The following NELL1 variants were observed in gnomAD, a reference collection of about 807,000 sequenced individuals.
NELL1 encodes the protein protein kinase C-binding protein NELL1.
NELL1 carries 76 observed loss-of-function variants against 107.4 expected under a neutral mutation model. That is an observed-to-expected ratio of 0.71 (90% CI 0.59 to 0.86). The LOEUF is 0.86. NELL1 is among the 40% of genes least tolerant of loss of function. The pLI, the probability that NELL1 is intolerant of heterozygous loss-of-function variation, is 0.00. For missense variants in NELL1, 1,024 were observed against 1,005.5 expected (o/e 1.02, Z -0.25); for synonymous variants, 353 against 341.2 (o/e 1.03, Z -0.38).
intron 2 of NELL1, among the ~76,000 whole-genome samples, chr11:20,758,464 G>T (rs984525948): frequency 1.3e-5 from 2 of 152,170 alleles, no homozygotes; most frequent in African/African-American, 4.8e-5. Flanking sequence ...GACCCTTAGT[G>T]TATGCTAAGC....
intron 12 of NELL1, among the ~76,000 whole-genome samples, chr11:21,010,525 A>G (rs1379762242): frequency 6.6e-6 from 1 of 152,022 alleles, no homozygotes; most frequent in Non-Finnish European, 1.5e-5. Context: ...CCATTCTTTG[A>G]CCTAACAGCT....
chr11:21,116,012 G>C (rs532640019), intron 13 of NELL1, among the ~76,000 whole-genome samples: 1 of 151,506 alleles, frequency 6.6e-6, no homozygotes, highest in Non-Finnish European at 1.5e-5. Flanking sequence ...TTCTTAATTT[G>C]CCTGTGGTTA....
intron 2 of NELL1, among the ~76,000 whole-genome samples, chr11:20,773,171 C>A (rs988858849): frequency 5.3e-5 from 8 of 152,208 alleles, no homozygotes; most frequent in African/African-American, 1.9e-4. Flanking sequence ...CCATAACCAA[C>A]CATCAGTGTG....
intron 4 of NELL1, among the ~76,000 whole-genome samples, chr11:20,861,307 T>C (rs1467379262): frequency 6.6e-6 from 1 of 152,228 alleles, no homozygotes; most frequent in African/African-American, 2.4e-5. Flanking sequence ...CAACTTGCGT[T>C]TTCATTTAAC....
At chr11:20,712,032 C>T (rs1195633171) in intron 2 of NELL1, among the ~76,000 whole-genome samples, 1 of 152,084 alleles carries the variant, frequency 6.6e-6, no homozygotes, top group East Asian at 1.9e-4. Context: ...TCAATTATTC[C>T]CTCAAATATG....
intron 3 of NELL1, among the ~76,000 whole-genome samples, chr11:20,814,195 C>A (rs970655010): frequency 6.6e-6 from 1 of 152,088 alleles, no homozygotes; most frequent in African/African-American, 2.4e-5. Context: ...GGGGTTTCAC[C>A]GTGTTAGCCA....
At chr11:21,485,731 C>CAATA (rs1854611661) in intron 15 of NELL1, among the ~76,000 whole-genome samples, 1 of 151,726 alleles carries the variant, frequency 6.6e-6, no homozygotes, top group Non-Finnish European at 1.5e-5. Flanking sequence ...ATCTGGGGAC[C>CAATA]ATCCCATTCC....
chr11:21,072,576 T>C (rs1413664657), intron 12 of NELL1, among the ~76,000 whole-genome samples: 1 of 152,176 alleles, frequency 6.6e-6, no homozygotes, highest in Non-Finnish European at 1.5e-5. Flanking sequence ...TTTATAGGGA[T>C]AGGAGAAATA....
intron 12 of NELL1, among the ~76,000 whole-genome samples, chr11:21,067,796 G>A (rs962076428): frequency 1.3e-5 from 2 of 152,038 alleles, no homozygotes; most frequent in African/African-American, 4.8e-5. Flanking sequence ...ACTTTGGGAG[G>A]CCAAGGTGGA....
intron 3 of NELL1, among the ~76,000 whole-genome samples, chr11:20,794,502 C>T: frequency 6.6e-6 from 1 of 152,144 alleles, no homozygotes; most frequent in East Asian, 1.9e-4. Context: ...AAAGGTATTG[C>T]CCTGGGTGTG....
At chr11:21,195,123 A>G (rs1006294122) in intron 13 of NELL1, among the ~76,000 whole-genome samples, 1 of 152,196 alleles carries the variant, frequency 6.6e-6, no homozygotes, top group African/African-American at 2.4e-5. Flanking sequence ...GTGAAAAATA[A>G]AATTGTCTAT....
At chr11:21,153,897 A>G (rs1443458188) in intron 13 of NELL1, among the ~76,000 whole-genome samples, 1 of 152,188 alleles carries the variant, frequency 6.6e-6, no homozygotes, top group Non-Finnish European at 1.5e-5. Context: ...GTTCTTACCC[A>G]TGAGGAATCC....
intron 5 of NELL1, among the ~76,000 whole-genome samples, chr11:20,895,262 A>T (rs1426729254): frequency 4.7e-5 from 4 of 84,858 alleles, no homozygotes; most frequent in African/African-American, 1.1e-4. Context: ...ACAGAGCGAG[A>T]CTCCGTCTCA....
At chr11:20,802,746 T>A (rs1857304673) in intron 3 of NELL1, among the ~76,000 whole-genome samples, 1 of 152,200 alleles carries the variant, frequency 6.6e-6, no homozygotes, top group African/African-American at 2.4e-5. Context: ...ATGTTCCTTC[T>A]ATCCCTAGTT....
At chr11:20,940,917 TCATC>T (rs1299800600) in intron 10 of NELL1, among the ~76,000 whole-genome samples, 2 of 152,066 alleles carry the variant, frequency 1.3e-5, no homozygotes, top group African/African-American at 4.8e-5. Context: ...GGTGGGCAGA[TCATC>T]TGAGGTCAGG....
At chr11:21,213,636 G>T (rs972092348) in intron 13 of NELL1, among the ~76,000 whole-genome samples, 1 of 152,088 alleles carries the variant, frequency 6.6e-6, no homozygotes, top group South Asian at 2.1e-4. Context: ...ATTGGCAGGG[G>T]AATAGACACA....
At chr11:20,993,433 T>A (rs528958807) in intron 12 of NELL1, among the ~76,000 whole-genome samples, 1 of 152,312 alleles carries the variant, frequency 6.6e-6, no homozygotes, top group East Asian at 1.9e-4. Context: ...ATCCCATCAC[T>A]TCTTAATTAG....
chr11:20,753,406 C>T (rs1856187988), intron 2 of NELL1, among the ~76,000 whole-genome samples: 2 of 146,964 alleles, frequency 1.4e-5, no homozygotes, highest in Non-Finnish European at 3.0e-5. Context: ...GGAGCTAGTT[C>T]AAGAATACAC....
intron 2 of NELL1, among the ~76,000 whole-genome samples, chr11:20,697,213 A>G (rs1854642294): frequency 6.6e-6 from 1 of 152,172 alleles, no homozygotes; most frequent in South Asian, 2.1e-4. Context: ...ATTTTCAAAA[A>G]TCATTTTGGA....
Sources: gnomAD v4.1 joint callset for allele counts (sites outside exome capture counted in the v4.1 genomes callset) on GRCh38, gnomAD v4.1.1 for gene constraint, MANE v1.5 for transcripts, NCBI Gene and HGNC (gene_info 2026-07-23, HGNC 2026-07-21) for gene names.